ROBO2: variants seen among roughly 807,000 people sequenced by gnomAD.
The protein encoded by ROBO2 is roundabout guidance receptor 2.
Under a neutral mutation model 160.8 loss-of-function variants are expected in ROBO2, and 53 were observed. The ratio of observed to expected loss-of-function variants is 0.33; its 90% CI spans 0.26 to 0.41. ROBO2 has a LOEUF of 0.41. ROBO2 is among the 10% of genes least tolerant of loss of function. The probability of loss-of-function intolerance (pLI) is 1.00; values close to 1 mark genes in which losing one functional copy is unlikely to be tolerated. For synonymous variants in ROBO2, 664 were observed against 611.7 expected, an observed-to-expected ratio of 1.09 and a Z score of -1.26; for missense variants, 1,577 against 1,722.4, an observed-to-expected ratio of 0.92 and a Z score of 1.49.
intron 2 of ROBO2, among the ~76,000 whole-genome samples, chr3:76,291,413 T>G (rs915604866): frequency 6.6e-6 from 1 of 150,484 alleles, no homozygotes; most frequent in Non-Finnish European, 1.5e-5. Flanking sequence ...TTGGATCTTC[T>G]CTTTTTTTCA....
At chr3:76,486,556 A>G (rs570227805) in intron 2 of ROBO2, among the ~76,000 whole-genome samples, 66 of 152,184 alleles carry the variant, frequency 4.3e-4, no homozygotes, top group Non-Finnish European at 8.1e-4. Flanking sequence ...TTACTCAGAA[A>G]ATCTCTGGTT....
intron 20 of ROBO2, among the ~76,000 whole-genome samples, chr3:77,605,357 G>A (rs1272759537): frequency 1.3e-5 from 2 of 152,044 alleles, no homozygotes; most frequent in African/African-American, 2.4e-5. Context: ...CTTCACTCAA[G>A]GTTCAGATCT....
At chr3:77,582,960 T>G (rs768532295) in intron 16 of ROBO2, among the ~76,000 whole-genome samples, 67 of 151,620 alleles carry the variant, frequency 4.4e-4, no homozygotes, top group Admixed American at 8.6e-4. Context: ...GGCAACATGG[T>G]GAAACCCCAT....
At chr3:76,141,250 A>G (rs1054415215) in intron 2 of ROBO2, among the ~76,000 whole-genome samples, 1 of 141,336 alleles carries the variant, frequency 7.1e-6, no homozygotes, top group Non-Finnish European at 1.5e-5. Context: ...TTTGCTGAAC[A>G]TGAAATGATT....
Position 77,551,035 on chromosome 3 carries a change from A to T in ROBO2, c.1231+46A>T, listed in dbSNP as rs768851713. ...TTGTCTTATGAAAACATTGATTTTT[A>T]TTTCTAGATACACGTTAACCATGTG... On this transcript the variant is annotated intron_variant, in intron 8 of 25. Transcript: ENST00000461745. 3 of 1,588,702 alleles carry T rather than the reference A, an allele frequency of 1.9e-6. No homozygotes were observed. The South Asian group carries it at 3.3e-5, about 18-fold the overall frequency.
At chr3:77,564,824 A>G in intron 11 of ROBO2, 130 bp from the exon 13 acceptor site, 1 of 829,318 alleles carries the variant, frequency 1.2e-6, no homozygotes, top group South Asian at 1.5e-5. Flanking sequence ...ATTGGGCTGA[A>G]TACTTCAAGT....
chr3:76,397,818 G>A (rs577600134), intron 2 of ROBO2, among the ~76,000 whole-genome samples: 80 of 151,874 alleles, frequency 5.3e-4, no homozygotes, highest in African/African-American at 1.8e-3. Flanking sequence ...TAAAAAGTCA[G>A]GAAACAACAG....
At chr3:77,233,318 C>G (rs1025135143) in intron 2 of ROBO2, among the ~76,000 whole-genome samples, 35 of 152,228 alleles carry the variant, frequency 2.3e-4, no homozygotes, top group African/African-American at 8.4e-4. Flanking sequence ...CTTGCCCCCC[C>G]CTCCACTTTT....
chr3:77,183,953 A>T (rs562146645), intron 2 of ROBO2, among the ~76,000 whole-genome samples: 2 of 152,148 alleles, frequency 1.3e-5, no homozygotes, highest in East Asian at 3.9e-4. Context: ...TTTAACCACC[A>T]TATATTTCAC....
chr3:76,932,565 G>GAA (rs2077417745), intron 2 of ROBO2, among the ~76,000 whole-genome samples: 1 of 152,020 alleles, frequency 6.6e-6, no homozygotes, highest in Non-Finnish European at 1.5e-5. Flanking sequence ...ATTCTGGCCA[G>GAA]AAAAAGGACC....
chr3:76,194,386 A>AGT (rs1337155859), intron 2 of ROBO2, among the ~76,000 whole-genome samples: 1 of 142,174 alleles, frequency 7.0e-6, no homozygotes, highest in African/African-American at 2.5e-5. Context: ...ATATATATAT[A>AGT]GTGTGAGGAC....
intron 22 of ROBO2, among the ~76,000 whole-genome samples, chr3:77,621,809 CA>C (rs1194472602): frequency 1.1e-4 from 16 of 152,216 alleles, no homozygotes; most frequent in Admixed American, 7.2e-4. Flanking sequence ...ATCTTTTCTT[CA>C]TAAGGGCCAG....
At chr3:77,622,334 C>T in exon 23 of ROBO2, 1 of 1,614,134 alleles carries the variant, frequency 6.2e-7, no homozygotes, top group Non-Finnish European at 8.5e-7. Context: ...GATGATGATG[C>T]CGACGACGAA....
intron 2 of ROBO2, among the ~76,000 whole-genome samples, chr3:76,890,385 C>T (rs75057310): frequency 1.3e-5 from 2 of 152,132 alleles, no homozygotes; most frequent in African/African-American, 2.4e-5. Context: ...GCATTGCTCA[C>T]GACTATACTT....
intron 2 of ROBO2, among the ~76,000 whole-genome samples, chr3:76,426,129 G>C (rs530743001): frequency 1.1e-4 from 17 of 152,126 alleles, no homozygotes; most frequent in African/African-American, 4.1e-4. Flanking sequence ...GAAGAGGAGA[G>C]GAGAAATCCG....
chr3:76,116,946 C>G (rs999343217), intron 2 of ROBO2, among the ~76,000 whole-genome samples: 20 of 152,248 alleles, frequency 1.3e-4, no homozygotes, highest in African/African-American at 4.3e-4. Flanking sequence ...CTCTAAGCCT[C>G]TGCAGTTTAT....
At chr3:76,382,445 G>A (rs904630790) in intron 2 of ROBO2, among the ~76,000 whole-genome samples, 4 of 152,140 alleles carry the variant, frequency 2.6e-5, no homozygotes, top group Non-Finnish European at 5.9e-5. Flanking sequence ...AATATTATCC[G>A]GGCGCGGTGG....
intron 2 of ROBO2, among the ~76,000 whole-genome samples, chr3:76,383,833 T>G (rs2076752677): frequency 6.6e-6 from 1 of 152,188 alleles, no homozygotes; most frequent in East Asian, 1.9e-4. Flanking sequence ...GCAGGATACT[T>G]TACTTTGTGA....
At chr3:76,322,132 G>A (rs1226989775) in intron 2 of ROBO2, among the ~76,000 whole-genome samples, 1 of 134,942 alleles carries the variant, frequency 7.4e-6, no homozygotes. Flanking sequence ...ATCTTCTGAA[G>A]TGGTTTATTT....
Sources: allele counts gnomAD v4.1 joint callset (sites outside exome capture counted in the v4.1 genomes callset), GRCh38; gene constraint gnomAD v4.1.1; transcripts MANE v1.5; gene names NCBI Gene and HGNC (gene_info 2026-07-23, HGNC 2026-07-21).